The following LRBA variants were observed in gnomAD, a reference collection of about 807,000 sequenced individuals.
LRBA encodes the protein lipopolysaccharide-responsive and beige-like anchor protein.
LRBA carries 176 observed loss-of-function variants against 330.0 expected under a neutral mutation model. The observed-to-expected ratio is 0.53, with a 90% CI of 0.47 to 0.60. The LOEUF (loss-of-function observed/expected upper bound fraction) is 0.60. Ranked by LOEUF, LRBA falls within the 20% of genes least tolerant of loss-of-function variation. The pLI is 0.00. For synonymous variants in LRBA, 1,230 were observed against 1,193.0 expected (o/e 1.03, Z -0.64); for missense variants, 3,259 against 3,444.8 (o/e 0.95, Z 1.35).
At chr4:150,944,266 T>C (rs1044626373) in intron 2 of LRBA, among the ~76,000 whole-genome samples, 2 of 152,218 alleles carry the variant, frequency 1.3e-5, no homozygotes, top group African/African-American at 4.8e-5. Flanking sequence ...AAATCAGTAA[T>C]TGGGGAAAAC....
chr4:150,865,842 A>G (rs1253426891), intron 22 of LRBA, among the ~76,000 whole-genome samples: 4 of 151,834 alleles, frequency 2.6e-5, no homozygotes, highest in African/African-American at 7.3e-5. Flanking sequence ...CGGCCCCCCA[A>G]GTAGCTGGGA....
intron 2 of LRBA, among the ~76,000 whole-genome samples, chr4:150,949,037 A>T (rs944523888): frequency 2.9e-5 from 4 of 136,376 alleles, no homozygotes; most frequent in East Asian, 3.9e-4. Context: ...ATTTCTATTT[A>T]AAAAAAAAAA....
intron 2 of LRBA, among the ~76,000 whole-genome samples, chr4:150,985,005 C>T (rs540136886): frequency 1.3e-5 from 2 of 152,266 alleles, no homozygotes; most frequent in East Asian, 1.9e-4. Context: ...TGCCCGTAAT[C>T]CCAGTACTTT....
At chr4:150,593,339 T>C (rs908295220) in intron 38 of LRBA, among the ~76,000 whole-genome samples, 62 of 152,344 alleles carry the variant, frequency 4.1e-4, no homozygotes, top group Non-Finnish European at 5.0e-4. Context: ...TTAAAAATAC[T>C]TTACATAGTT....
intron 37 of LRBA, among the ~76,000 whole-genome samples, chr4:150,645,362 T>A (rs1779028075): frequency 6.6e-6 from 1 of 151,896 alleles, no homozygotes; most frequent in Non-Finnish European, 1.5e-5. Flanking sequence ...TGCAGTAAAG[T>A]CATTTAGATG....
intron 41 of LRBA, among the ~76,000 whole-genome samples, chr4:150,488,540 T>C (rs969731067): frequency 6.6e-6 from 1 of 151,568 alleles, no homozygotes; most frequent in Non-Finnish European, 1.5e-5. Flanking sequence ...TGTAAACATA[T>C]TTAGCAATAA....
At chr4:150,356,426 G>T (rs1026122047) in intron 47 of LRBA, among the ~76,000 whole-genome samples, 4 of 151,918 alleles carry the variant, frequency 2.6e-5, no homozygotes, top group Non-Finnish European at 5.9e-5. Context: ...CTTAAATGCT[G>T]GCTCTGAATT....
intron 9 of LRBA, among the ~76,000 whole-genome samples, chr4:150,912,031 T>C (rs1315316396): frequency 6.6e-6 from 1 of 152,218 alleles, no homozygotes; most frequent in Non-Finnish European, 1.5e-5. Context: ...TGGCAAGTTA[T>C]AATGCCTCCT....
intron 38 of LRBA, among the ~76,000 whole-genome samples, chr4:150,595,328 A>T (rs1398320234): frequency 6.6e-6 from 1 of 151,984 alleles, no homozygotes; most frequent in Admixed American, 6.5e-5. Flanking sequence ...AGAACCTAGT[A>T]TATGTTGATC....
At chr4:150,455,235 T>C (rs147619284) in intron 44 of LRBA, among the ~76,000 whole-genome samples, 1 of 151,936 alleles carries the variant, frequency 6.6e-6, no homozygotes, top group African/African-American at 2.4e-5. Context: ...TTTGGTTTTT[T>C]GTTCTTGCGA....
At chr4:150,509,145 A>T (rs529251887) in intron 40 of LRBA, among the ~76,000 whole-genome samples, 2 of 152,322 alleles carry the variant, frequency 1.3e-5, no homozygotes, top group African/African-American at 4.8e-5. Flanking sequence ...TATATTAATT[A>T]GCCAGATTTT....
chr4:150,379,114 C>T (rs1019857369), intron 47 of LRBA, among the ~76,000 whole-genome samples: 2 of 151,696 alleles, frequency 1.3e-5, no homozygotes, highest in South Asian at 4.2e-4. Context: ...ACCAGCCTGG[C>T]CAACATGGTG....
At chr4:150,485,380 T>C (rs1447986915) in intron 42 of LRBA, among the ~76,000 whole-genome samples, 1 of 151,994 alleles carries the variant, frequency 6.6e-6, no homozygotes, top group East Asian at 1.9e-4. Context: ...ATGCTTTGTG[T>C]GGTAATTTGA....
upstream of LRBA, chr4:151,015,691 G>A (rs1343120800): frequency 1.3e-5 from 2 of 152,068 alleles, no homozygotes; most frequent in Middle Eastern, 3.2e-3. Flanking sequence ...TGTGCCCACT[G>A]AAGCTGCTCC....
chr4:150,267,214 C>A (rs1745461107), intron 56 of LRBA, among the ~76,000 whole-genome samples: 2 of 152,176 alleles, frequency 1.3e-5, no homozygotes, highest in Admixed American at 1.3e-4. Flanking sequence ...ATATAGAACA[C>A]CTTCCCAACA....
At chr4:150,788,239 A>ATT (rs377479266) in intron 34 of LRBA, among the ~76,000 whole-genome samples, 117 of 123,190 alleles carry the variant, frequency 9.5e-4, no homozygotes, top group African/African-American at 3.9e-3. Flanking sequence ...CACCCGGTTA[A>ATT]TTTTTTTTTT....
At chr4:150,445,620 A>T (rs1381420618) in intron 44 of LRBA, among the ~76,000 whole-genome samples, 1 of 152,058 alleles carries the variant, frequency 6.6e-6, no homozygotes, top group African/African-American at 2.4e-5. Context: ...ATTCTGTTTT[A>T]GACTAATAAA....
chr4:150,502,532 G>C (rs1318628311), intron 40 of LRBA, among the ~76,000 whole-genome samples: 5 of 152,158 alleles, frequency 3.3e-5, no homozygotes, highest in Admixed American at 3.3e-4. Flanking sequence ...AACTCTCCTA[G>C]AAATGACCAT....
chr4:150,853,212 A>G (rs895247526), intron 22 of LRBA, among the ~76,000 whole-genome samples: 3 of 152,190 alleles, frequency 2.0e-5, no homozygotes, highest in Non-Finnish European at 4.4e-5. Flanking sequence ...TTAAACATGT[A>G]TAGGAAAAGG....
Sources: gnomAD v4.1 joint callset for allele counts (sites outside exome capture counted in the v4.1 genomes callset) on GRCh38, gnomAD v4.1.1 for gene constraint, MANE v1.5 for transcripts, NCBI Gene and HGNC (gene_info 2026-07-23, HGNC 2026-07-21) for gene names.